Variants in PDE1C observed in about 807,000 individuals in gnomAD.
PDE1C encodes dual specificity calcium/calmodulin-dependent 3',5'-cyclic nucleotide phosphodiesterase 1C.
In PDE1C, 62 loss-of-function variants were observed where a neutral mutation model predicts 93.1. The ratio of observed to expected loss-of-function variants is 0.67; its 90% CI spans 0.54 to 0.82. PDE1C has a LOEUF of 0.82. Among genes scored for constraint, PDE1C ranks in the 40% least tolerant of loss-of-function variants. PDE1C has a pLI of 0.00. For missense variants in PDE1C, 742 were observed against 884.6 expected (o/e 0.84, Z 2.04); for synonymous variants, 325 against 310.1 (o/e 1.05, Z -0.50).
At chr7:32,209,552 A>G in intron 1 of PDE1C, 1 of 1,552,722 alleles carries the variant, frequency 6.4e-7, no homozygotes, top group Non-Finnish European at 8.7e-7. Flanking sequence ...AGAAAAAAAA[A>G]AGAGGATGCA....
intron 2 of PDE1C, among the ~76,000 whole-genome samples, chr7:32,005,939 A>G (rs1418274093): frequency 6.6e-6 from 1 of 152,180 alleles, no homozygotes; most frequent in Non-Finnish European, 1.5e-5. Context: ...ACTTAAATCA[A>G]ATTTTTCCAG....
intron 2 of PDE1C, among the ~76,000 whole-genome samples, chr7:31,899,110 A>AC (rs2128916028): frequency 6.8e-6 from 1 of 146,268 alleles, no homozygotes; most frequent in East Asian, 2.0e-4. Flanking sequence ...ACTGATCCTT[A>AC]CCAAGAGCAT....
intron 1 of PDE1C, among the ~76,000 whole-genome samples, chr7:32,339,238 T>C (rs989218808): frequency 2.6e-5 from 4 of 152,182 alleles, no homozygotes; most frequent in African/African-American, 9.7e-5. Context: ...AAAAAATTTT[T>C]AGGTTTAAAA....
chr7:31,807,707 C>T (rs576283924), intron 16 of PDE1C, among the ~76,000 whole-genome samples: 7 of 152,014 alleles, frequency 4.6e-5, no homozygotes, highest in Admixed American at 6.6e-5. Context: ...AAGTTGACAG[C>T]GTTCCTCCAC....
intron 1 of PDE1C, among the ~76,000 whole-genome samples, chr7:32,317,318 T>C (rs1562670917): frequency 6.6e-6 from 1 of 152,130 alleles, no homozygotes. Context: ...CAGAATCGCA[T>C]TTAGGCCTCA....
intron 1 of PDE1C, among the ~76,000 whole-genome samples, chr7:32,061,140 A>G (rs773327874): frequency 6.6e-6 from 1 of 152,210 alleles, no homozygotes; most frequent in African/African-American, 2.4e-5. Flanking sequence ...TGGATAAACA[A>G]CAGTTTAATG....
intron 2 of PDE1C, among the ~76,000 whole-genome samples, chr7:31,977,707 C>T (rs1039677019): frequency 3.3e-5 from 5 of 152,200 alleles, no homozygotes; most frequent in South Asian, 2.1e-4. Context: ...TACACTAAAA[C>T]ATGTGCTCCT....
intron 3 of PDE1C, among the ~76,000 whole-genome samples, chr7:32,108,499 C>T (rs958508087): frequency 6.6e-6 from 1 of 151,408 alleles, no homozygotes; most frequent in East Asian, 1.9e-4. Context: ...GAAAATCCAT[C>T]CAGGACACAG....
At chr7:31,775,797 T>C in intron 16 of PDE1C, 65 bp from the exon 17 acceptor site, 3 of 1,330,536 alleles carry the variant, frequency 2.3e-6, no homozygotes, top group South Asian at 1.2e-5. Flanking sequence ...GACAAGTAAA[T>C]GTTCATCTGA....
At chr7:32,018,229 GT>G (rs1246924756) in intron 2 of PDE1C, among the ~76,000 whole-genome samples, 2 of 151,968 alleles carry the variant, frequency 1.3e-5, no homozygotes, top group Admixed American at 6.6e-5. Flanking sequence ...AATATGTATG[GT>G]GCAGCTGCTT....
At chr7:32,208,996 T>C (rs1390566731) in intron 2 of PDE1C, among the ~76,000 whole-genome samples, 28 of 152,192 alleles carry the variant, frequency 1.8e-4, no homozygotes, top group Admixed American at 1.8e-3. Flanking sequence ...CTTTGAATGG[T>C]GATGATGCCT....
Position 32,342,113 on chromosome 7 carries a change from T to C in PDE1C, c.310+85709A>G, listed in dbSNP as rs58616945. 5.5e-3 allele frequency among the ~76,000 whole-genome samples: 839 copies of C among 152,290 alleles called. 1 individual carries two copies. Among genetic ancestry groups the C allele is most frequent in the African/African-American group, 0.019 (794 of 41,556 alleles). ...AATGTATGATTGTTTGCTATCAATA[T>C]TATGAACACTAATTACTTTGAAGAA... On this transcript the variant is annotated intron_variant, in intron 1 of 1. Coordinates refer to the PDE1C transcript ENST00000672256.
At chr7:32,282,969 T>C (rs1811770236) in intron 1 of PDE1C, among the ~76,000 whole-genome samples, 1 of 152,178 alleles carries the variant, frequency 6.6e-6, no homozygotes, top group African/African-American at 2.4e-5. Flanking sequence ...AAACCTCACG[T>C]GTGGAATTGC....
chr7:32,249,595 C>T (rs894034864), intron 1 of PDE1C, among the ~76,000 whole-genome samples: 1 of 152,182 alleles, frequency 6.6e-6, no homozygotes, highest in African/African-American at 2.4e-5. Context: ...AGAGCCATCC[C>T]ACCACACTGG....
intron 2 of PDE1C, among the ~76,000 whole-genome samples, chr7:31,944,641 A>C (rs2129005140): frequency 6.6e-6 from 1 of 152,282 alleles, no homozygotes; most frequent in Admixed American, 6.5e-5. Context: ...ATTTTAAAAC[A>C]CCATATATCC....
At chr7:32,356,313 C>A (rs1784028583) in intron 1 of PDE1C, among the ~76,000 whole-genome samples, 2 of 152,292 alleles carry the variant, frequency 1.3e-5, no homozygotes, top group Admixed American at 1.3e-4. Context: ...GTTTCTCATG[C>A]ACTCAGAGAG....
At chr7:31,779,150 G>A (rs1216440787) in intron 16 of PDE1C, among the ~76,000 whole-genome samples, 3 of 152,210 alleles carry the variant, frequency 2.0e-5, no homozygotes, top group Non-Finnish European at 4.4e-5. Flanking sequence ...TGGCCCAGGT[G>A]ATTCCCATCA....
At chr7:31,827,759 A>G (rs1789876581) in intron 12 of PDE1C, among the ~76,000 whole-genome samples, 2 of 152,146 alleles carry the variant, frequency 1.3e-5, no homozygotes, top group Admixed American at 1.3e-4. Context: ...AAATGCATAT[A>G]TTATGGTTAT....
intron 16 of PDE1C, chr7:31,785,744 T>C (rs1277428817): frequency 2.0e-5 from 3 of 152,154 alleles, no homozygotes; most frequent in Non-Finnish European, 2.9e-5. Context: ...TCAGATAAAC[T>C]GTCTAATGCA....
Sources: gnomAD v4.1 joint callset for allele counts (sites outside exome capture counted in the v4.1 genomes callset) on GRCh38, gnomAD v4.1.1 for gene constraint, MANE v1.5 for transcripts, NCBI Gene and HGNC (gene_info 2026-07-23, HGNC 2026-07-21) for gene names.